The following RGS6 variants were observed in gnomAD, a reference collection of about 807,000 sequenced individuals.
RGS6 encodes regulator of G protein signaling 6.
RGS6 carries 30 observed loss-of-function variants against 78.5 expected under a neutral mutation model. The ratio of observed to expected loss-of-function variants is 0.38; its 90% confidence interval spans 0.29 to 0.52. The LOEUF is 0.52. Ranked by LOEUF, RGS6 falls within the 20% of genes least tolerant of loss-of-function variation. The probability of loss-of-function intolerance (pLI) is 0.85; values close to 1 mark genes in which losing one functional copy is unlikely to be tolerated. For synonymous variants in RGS6, 206 were observed against 206.0 expected, an observed-to-expected ratio of 1.00 and a Z score of 0.00; for missense variants, 495 against 609.7, an observed-to-expected ratio of 0.81 and a Z score of 1.98.
At chr14:72,402,790 G>GTTTTTTT (rs1167831473) in intron 3 of RGS6, among the ~76,000 whole-genome samples, 30 of 75,794 alleles carry the variant, frequency 4.0e-4, no homozygotes, top group Admixed American at 1.1e-3. Flanking sequence ...TGTTTTTTTG[G>GTTTTTTT]TTTTTTTTTT....
At chr14:71,998,671 C>A (rs2082829412) in intron 2 of RGS6, among the ~76,000 whole-genome samples, 1 of 152,182 alleles carries the variant, frequency 6.6e-6, no homozygotes, top group South Asian at 2.1e-4. Context: ...GAACTCCTTG[C>A]TTGAGTACAT....
the RGS6 span, among the ~76,000 whole-genome samples, chr14:71,886,273 A>G: frequency 6.6e-6 from 1 of 152,174 alleles, no homozygotes; most frequent in East Asian, 1.9e-4. Flanking sequence ...TGAAACTCTT[A>G]CTGTTTAAGA....
At chr14:72,088,970 C>T (rs553262788) in intron 2 of RGS6, among the ~76,000 whole-genome samples, 3 of 152,246 alleles carry the variant, frequency 2.0e-5, no homozygotes, top group Non-Finnish European at 4.4e-5. Context: ...AACAGTCTTC[C>T]CTGGCCACCC....
At chr14:72,362,977 C>G (rs79509989) in intron 3 of RGS6, among the ~76,000 whole-genome samples, 3,246 of 152,230 alleles carry the variant, frequency 0.021, 53 homozygotes, top group African/African-American at 0.049. Flanking sequence ...GACAAACATG[C>G]CAGGTTTCAG....
At chr14:72,015,723 ATCC>A (rs1293130412) in intron 2 of RGS6, among the ~76,000 whole-genome samples, 1 of 152,208 alleles carries the variant, frequency 6.6e-6, no homozygotes, top group African/African-American at 2.4e-5. Flanking sequence ...GGTTTCCCAT[ATCC>A]TCTTAGTTAT....
At chr14:72,031,443 G>A (rs1180531075) in intron 2 of RGS6, among the ~76,000 whole-genome samples, 1 of 152,046 alleles carries the variant, frequency 6.6e-6, no homozygotes, top group Admixed American at 6.6e-5. Context: ...TAATATAATT[G>A]ACATATTTCC....
chr14:71,888,562 G>C, the RGS6 span, among the ~76,000 whole-genome samples: 6 of 152,210 alleles, frequency 3.9e-5, no homozygotes, highest in Non-Finnish European at 5.9e-5. Context: ...TGGCCTGCTT[G>C]GGTTGGTCAC....
At chr14:72,153,988 A>T (rs1471793006) in intron 2 of RGS6, among the ~76,000 whole-genome samples, 3 of 152,182 alleles carry the variant, frequency 2.0e-5, no homozygotes, top group African/African-American at 7.2e-5. Flanking sequence ...ACCAGGGCGT[A>T]TCTCAGTCCT....
At chr14:72,095,198 T>C (rs1316500493) in intron 2 of RGS6, among the ~76,000 whole-genome samples, 1 of 152,084 alleles carries the variant, frequency 6.6e-6, no homozygotes, top group African/African-American at 2.4e-5. Context: ...AAAAGCTTAC[T>C]GAGTTTTAAC....
chr14:72,545,528 G>A (rs778106937), intron 17 of RGS6, among the ~76,000 whole-genome samples: 2 of 152,066 alleles, frequency 1.3e-5, no homozygotes, highest in Non-Finnish European at 2.9e-5. Context: ...TCCAGCTAGC[G>A]GTGTTCTGCA....
At chr14:71,882,578 C>G in the RGS6 span, among the ~76,000 whole-genome samples, 1 of 152,304 alleles carries the variant, frequency 6.6e-6, no homozygotes, top group East Asian at 1.9e-4. Flanking sequence ...CAGGTCTATC[C>G]TAATGGGAAT....
chr14:71,915,077 G>A, the RGS6 span, among the ~76,000 whole-genome samples: 7 of 150,358 alleles, frequency 4.7e-5, no homozygotes, highest in Non-Finnish European at 7.4e-5. Context: ...GTGAAACCCC[G>A]TGTCTAGTAA....
At chr14:72,214,868 A>G (rs2045177375) in intron 2 of RGS6, among the ~76,000 whole-genome samples, 1 of 152,228 alleles carries the variant, frequency 6.6e-6, no homozygotes, top group African/African-American at 2.4e-5. Flanking sequence ...ATGAGGACTT[A>G]CAGAGCAATA....
chr14:72,315,763 C>G (rs1205218288), intron 2 of RGS6, among the ~76,000 whole-genome samples: 1 of 152,242 alleles, frequency 6.6e-6, no homozygotes, highest in East Asian at 1.9e-4. Context: ...GAGCCAAGAC[C>G]CTTAGAGGTT....
At chr14:72,576,900 G>C in the RGS6 span, among the ~76,000 whole-genome samples, 1 of 152,220 alleles carries the variant, frequency 6.6e-6, no homozygotes, top group Non-Finnish European at 1.5e-5. Context: ...AATGCTCTGA[G>C]ATGCCTTGTG....
At chr14:72,130,385 C>A (rs1461305897) in intron 2 of RGS6, among the ~76,000 whole-genome samples, 8 of 152,122 alleles carry the variant, frequency 5.3e-5, no homozygotes, top group African/African-American at 1.9e-4. Flanking sequence ...TTAACTCAAT[C>A]TCCAGTCCCT....
At chr14:71,869,761 T>G in the RGS6 span, among the ~76,000 whole-genome samples, 1 of 152,200 alleles carries the variant, frequency 6.6e-6, no homozygotes, top group African/African-American at 2.4e-5. Flanking sequence ...AAACTTGTGT[T>G]GAAATTGAAT....
intron 2 of RGS6, among the ~76,000 whole-genome samples, chr14:72,281,144 CTTTTT>C (rs11381940): frequency 8.9e-6 from 1 of 112,868 alleles, no homozygotes; most frequent in Non-Finnish European, 1.8e-5. Flanking sequence ...AAACAAGATT[CTTTTT>C]TTTTTTTTTT....
At chr14:72,430,425 G>A (rs1183390167) in intron 3 of RGS6, among the ~76,000 whole-genome samples, 1 of 152,164 alleles carries the variant, frequency 6.6e-6, no homozygotes, top group Admixed American at 6.5e-5. Flanking sequence ...TCCTTTGAGG[G>A]TGGGAAGAAA....
Sources: gnomAD v4.1 joint callset for allele counts (sites outside exome capture counted in the v4.1 genomes callset) on GRCh38, gnomAD v4.1.1 for gene constraint, MANE v1.5 for transcripts, NCBI Gene and HGNC (gene_info 2026-07-23, HGNC 2026-07-21) for gene names.